Variants in DOCK4 observed in about 807,000 individuals in gnomAD.
DOCK4 encodes the protein dedicator of cytokinesis protein 4.
Under a neutral mutation model 268.1 loss-of-function variants are expected in DOCK4, and 97 were observed. The ratio of observed to expected loss-of-function variants is 0.36; its 90% CI spans 0.31 to 0.43. The LOEUF (loss-of-function observed/expected upper bound fraction) is 0.43. DOCK4 is among the 20% of genes least tolerant of loss of function. The pLI is 1.00. For missense variants in DOCK4, 2,145 were observed against 2,455.7 expected, an observed-to-expected ratio of 0.87 and a Z score of 2.67; for synonymous variants, 954 against 887.2, an observed-to-expected ratio of 1.08 and a Z score of -1.34.
intron 7 of DOCK4, 21 bp downstream of exon 7, chr7:111,984,285 G>A (rs1375715340): frequency 1.3e-6 from 2 of 1,596,814 alleles, no homozygotes; most frequent in Admixed American, 1.8e-5. Flanking sequence ...AAGACTGGAA[G>A]CCAAGATTTC....
At chr7:112,182,620 C>T (rs971772400) in intron 1 of DOCK4, among the ~76,000 whole-genome samples, 1 of 152,160 alleles carries the variant, frequency 6.6e-6, no homozygotes, top group African/African-American at 2.4e-5. Flanking sequence ...TAAGAGATTA[C>T]AAAGGAGCAA....
chr7:111,816,631 T>G (rs557304691), intron 27 of DOCK4, among the ~76,000 whole-genome samples: 4 of 152,276 alleles, frequency 2.6e-5, no homozygotes, highest in East Asian at 1.9e-4. Context: ...GGGCTGGAAC[T>G]TAGAGAACAA....
intron 8 of DOCK4, chr7:111,976,840 A>G: frequency 4.3e-6 from 1 of 233,284 alleles, no homozygotes; most frequent in South Asian, 9.9e-5. Flanking sequence ...TATGTTACCA[A>G]TACAAAATAA....
chr7:111,900,768 C>T (rs576279357), intron 14 of DOCK4, among the ~76,000 whole-genome samples: 14 of 152,278 alleles, frequency 9.2e-5, no homozygotes, highest in Admixed American at 3.3e-4. Context: ...CCGGGTGACA[C>T]GTGGGAGATG....
chr7:111,942,330 G>A (rs1795278865), intron 10 of DOCK4, among the ~76,000 whole-genome samples: 1 of 152,264 alleles, frequency 6.6e-6, no homozygotes, highest in East Asian at 1.9e-4. Context: ...TGCAGCCAGT[G>A]ATGGCCAACA....
intron 14 of DOCK4, among the ~76,000 whole-genome samples, chr7:111,901,152 G>A (rs1355419224): frequency 6.6e-6 from 1 of 151,938 alleles, no homozygotes; most frequent in Admixed American, 6.6e-5. Context: ...TGGCCAACAC[G>A]GTGAAACCCT....
At chr7:111,879,352 T>C (rs1443266842) in intron 16 of DOCK4, among the ~76,000 whole-genome samples, 1 of 152,148 alleles carries the variant, frequency 6.6e-6, no homozygotes, top group Non-Finnish European at 1.5e-5. Context: ...GGGCTTGGGC[T>C]CTGAGACGTC....
chr7:111,940,080 C>T, intron 11 of DOCK4, 30 bp downstream of exon 11: 1 of 1,613,122 alleles, frequency 6.2e-7, no homozygotes, highest in Non-Finnish European at 8.5e-7. Flanking sequence ...CTGTGCCTAC[C>T]CCAGCCATCA....
intron 1 of DOCK4, among the ~76,000 whole-genome samples, chr7:112,056,703 T>C (rs959787989): frequency 6.6e-6 from 1 of 152,170 alleles, no homozygotes; most frequent in Non-Finnish European, 1.5e-5. Flanking sequence ...AAAAGATCCC[T>C]GGAAAGAAAA....
intron 1 of DOCK4, among the ~76,000 whole-genome samples, chr7:112,014,463 C>A (rs952515107): frequency 6.6e-6 from 1 of 152,030 alleles, no homozygotes; most frequent in East Asian, 1.9e-4. Context: ...AAGATAGGGA[C>A]CCAGCCCCAA....
chr7:111,960,956 T>A (rs1401590449), intron 8 of DOCK4, among the ~76,000 whole-genome samples: 1 of 152,228 alleles, frequency 6.6e-6, no homozygotes, highest in Non-Finnish European at 1.5e-5. Context: ...TGACTCCATA[T>A]CTTAGCTATT....
intron 1 of DOCK4, among the ~76,000 whole-genome samples, chr7:112,041,730 T>G (rs1186901070): frequency 6.6e-6 from 1 of 152,232 alleles, no homozygotes; most frequent in Non-Finnish European, 1.5e-5. Flanking sequence ...TTCCCACTTA[T>G]GAGTTTCCTT....
intron 1 of DOCK4, among the ~76,000 whole-genome samples, chr7:112,168,972 G>T (rs1817841702): frequency 6.6e-6 from 1 of 152,174 alleles, no homozygotes; most frequent in African/African-American, 2.4e-5. Context: ...ATCACTATTT[G>T]ATATGGTTTG....
intron 42 of DOCK4, among the ~76,000 whole-genome samples, chr7:111,753,389 C>G (rs530634034): frequency 6.6e-6 from 1 of 152,200 alleles, no homozygotes; most frequent in Admixed American, 6.5e-5. Flanking sequence ...GTGGGAGGAT[C>G]ACTTGAGCCC....
chr7:112,073,912 T>C (rs1404294907), intron 1 of DOCK4, among the ~76,000 whole-genome samples: 1 of 152,164 alleles, frequency 6.6e-6, no homozygotes, highest in Non-Finnish European at 1.5e-5. Flanking sequence ...AGATTTTAAA[T>C]GTTTGAGGTA....
chr7:111,805,566 T>C (rs1800611824), intron 30 of DOCK4, among the ~76,000 whole-genome samples: 1 of 152,200 alleles, frequency 6.6e-6, no homozygotes, highest in African/African-American at 2.4e-5. Context: ...GAAAAATTGC[T>C]CACAGGTTGC....
intron 10 of DOCK4, among the ~76,000 whole-genome samples, chr7:111,940,703 G>A (rs1430568575): frequency 6.6e-6 from 1 of 152,198 alleles, no homozygotes; most frequent in Non-Finnish European, 1.5e-5. Flanking sequence ...GTGATCAAAT[G>A]TGCATGCTCC....
intron 23 of DOCK4, among the ~76,000 whole-genome samples, chr7:111,859,672 A>T (rs979148413): frequency 5.7e-5 from 8 of 140,428 alleles, no homozygotes; most frequent in Non-Finnish European, 1.2e-4. Flanking sequence ...GGTTCACGCC[A>T]TTCTCCTGCC....
chr7:112,064,757 A>C (rs1352123201), intron 1 of DOCK4, among the ~76,000 whole-genome samples: 1 of 152,174 alleles, frequency 6.6e-6, no homozygotes, highest in Non-Finnish European at 1.5e-5. Context: ...TGGGGCCTTT[A>C]AACAGGTGAT....
Sources: gnomAD v4.1 joint callset for allele counts (sites outside exome capture counted in the v4.1 genomes callset) on GRCh38, gnomAD v4.1.1 for gene constraint, MANE v1.5 for transcripts, NCBI Gene and HGNC (gene_info 2026-07-23, HGNC 2026-07-21) for gene names.